NHSL2: variants seen among roughly 807,000 people sequenced by gnomAD.
The protein encoded by NHSL2 is NHS like 2, also known as NHS-like protein 2.
A neutral mutation model predicts 53.4 loss-of-function variants in NHSL2; 27 were observed. The ratio of observed to expected loss-of-function variants is 0.51; its 90% confidence interval spans 0.37 to 0.70. The LOEUF (loss-of-function observed/expected upper bound fraction) is 0.70, where lower values mean the gene tolerates loss of function less well. NHSL2 is among the 30% of genes least tolerant of loss of function. The probability of loss-of-function intolerance (pLI) is 0.00; values close to 1 mark genes in which losing one functional copy is unlikely to be tolerated. For synonymous variants in NHSL2, 408 were observed against 404.1 expected (o/e 1.01, Z -0.12); for missense variants, 892 against 980.1 (o/e 0.91, Z 1.20).
chrX:72,036,770 G>A (rs375181399), intron 1 of NHSL2, among the ~76,000 whole-genome samples: 1 of 111,484 alleles, frequency 9.0e-6, no homozygotes, highest in East Asian at 2.8e-4. Context: ...TCTTTCTGCT[G>A]TTGAGCCCAT....
chrX:71,979,237 T>C (rs1423327341), intron 1 of NHSL2, among the ~76,000 whole-genome samples: 2 of 110,860 alleles, frequency 1.8e-5, no homozygotes, highest in African/African-American at 6.6e-5. Flanking sequence ...GCATGTGTGT[T>C]TATAGCAGCA....
chrX:72,107,652 G>A (rs7391689), intron 1 of NHSL2, among the ~76,000 whole-genome samples: 2 of 111,892 alleles, frequency 1.8e-5, no homozygotes, highest in South Asian at 3.7e-4. Flanking sequence ...ACAGAGTCCC[G>A]GGGGGGTGTT....
chrX:72,038,732 T>C (rs1227901092), intron 1 of NHSL2, among the ~76,000 whole-genome samples: 1 of 112,149 alleles, frequency 8.9e-6, no homozygotes, highest in Non-Finnish European at 1.9e-5. Context: ...GCAATAGAGA[T>C]TAGACATGAT....
rs749065494 is a variant in NHSL2, at chrX:72,147,367, G to A, written c.*3793G>A. On this transcript the variant is annotated 3_prime_UTR_variant, in exon 8 of 8. Coordinates refer to ENST00000633930, the MANE Select transcript of NHSL2 (RefSeq NM_001013627.3). The stretch of plus-strand genomic sequence containing the variant: ...ATGCAAGTGCCTTACCCTCGTCCCA[G>A]CCCTGTGATTTGCACTCTTTAAAGT... 8.9e-6 allele frequency: 1 copy of A among 112,053 alleles called. No homozygotes were observed. The highest frequency in any genetic ancestry group is 1.9e-5 in the Non-Finnish European group (1 of 53,185). 9.2% of individuals were successfully genotyped at this position (112,053 alleles called of 1,213,427 possible). A position where few individuals can be genotyped will look rare whatever the true frequency, so the allele number is the denominator to read the frequency against.
rs746716833 is a variant in NHSL2, at chrX:72,138,981, C to T, written c.1433C>T (p.Thr478Ile). ...AGACCCTCCAAGATTGGCCTTCTGA[C>T]CAGTGGGACCTCGAGGCTGGAGACA... ...PERPSKIGLLTSGTSRLETGP... is the reference protein window; with the variant it reads ...PERPSKIGLLISGTSRLETGP... The change falls in exon 6 of 8, where the codon ACC becomes ATC. Residue 478 changes from threonine to isoleucine, a missense_variant. Transcript: ENST00000633930. The T allele has an allele frequency of 4.2e-5, 50 of 1,194,117 alleles. No individual in the cohort carries two copies. Among genetic ancestry groups the T allele is most frequent in the Non-Finnish European group, 1.1e-6 (1 of 886,710 alleles).
At chrX:72,093,717 G>GCTTTCTTTCTTTCTTTCTTTCTTT (rs1491238848) in intron 1 of NHSL2, among the ~76,000 whole-genome samples, 2 of 78,660 alleles carry the variant, frequency 2.5e-5, no homozygotes, top group East Asian at 3.9e-4. Flanking sequence ...AGTATAGCTT[G>GCTTTCTTTCTTTCTTTCTTTCTTT]CTTGCTTTCT....
At chrX:71,919,242 A>AAGT (rs1478480483) in intron 1 of NHSL2, among the ~76,000 whole-genome samples, 1 of 112,274 alleles carries the variant, frequency 8.9e-6, no homozygotes, top group Non-Finnish European at 1.9e-5. Flanking sequence ...CTTCCAGGTG[A>AAGT]AGTCCCACTT....
rs2042502128 is a variant in NHSL2 at position 72,150,359 on chromosome X, A to C, written c.*6785A>C. Reference sequence around the variant, plus strand: ...ATAATGTCTCTACTTTTTTTAGTGCAAACTTTTGTATTTGGTGTTTATTTA... The same window carrying C: ...ATAATGTCTCTACTTTTTTTAGTGCCAACTTTTGTATTTGGTGTTTATTTA... On this transcript the variant is annotated 3_prime_UTR_variant, in exon 8 of 8. Transcript: ENST00000633930. The C allele has an allele frequency of 8.9e-6, 1 of 112,175 alleles. No individual in the cohort carries two copies. Among genetic ancestry groups the C allele is most frequent in the African/African-American group, 3.2e-5 (1 of 30,865 alleles). 9.2% of individuals were successfully genotyped at this position (112,175 alleles called of 1,213,427 possible).
At chrX:72,129,559 T>C in intron 1 of NHSL2, 1 of 339,208 alleles carries the variant, frequency 2.9e-6, no homozygotes, top group Non-Finnish European at 5.1e-6. Flanking sequence ...GCCCAGAAAC[T>C]TGCTCTCCAG....
chrX:71,964,410 T>A (rs1370011989), intron 1 of NHSL2, among the ~76,000 whole-genome samples: 3 of 110,466 alleles, frequency 2.7e-5, no homozygotes, highest in Non-Finnish European at 1.9e-5. Context: ...TTTTTATGGC[T>A]GCATAGTATT....
chrX:72,087,038 A>C (rs2041854244), intron 1 of NHSL2, among the ~76,000 whole-genome samples: 1 of 111,916 alleles, frequency 8.9e-6, no homozygotes, highest in Admixed American at 9.4e-5. Context: ...GCTGGGGGTC[A>C]TCCCAGCCTG....
chrX:72,080,430 G>A (rs925139523), intron 1 of NHSL2, among the ~76,000 whole-genome samples: 2 of 111,378 alleles, frequency 1.8e-5, no homozygotes, highest in Admixed American at 1.9e-4. Flanking sequence ...GCACAGAGGG[G>A]CAGGATGGCC....
intron 1 of NHSL2, among the ~76,000 whole-genome samples, chrX:72,100,598 G>A (rs2041983634): frequency 8.9e-6 from 1 of 112,176 alleles, no homozygotes; most frequent in African/African-American, 3.3e-5. Context: ...TACCGCCTGA[G>A]CTCCACCTCC....
chrX:72,130,886 G>T (rs1451453037), intron 1 of NHSL2: 1 of 1,210,031 alleles, frequency 8.3e-7, no homozygotes, highest in Admixed American at 2.2e-5. Context: ...TCCAGGAAGC[G>T]CGGGAAGTTG....
At chrX:72,023,913 GA>G (rs2042172436) in intron 1 of NHSL2, among the ~76,000 whole-genome samples, 1 of 111,662 alleles carries the variant, frequency 9.0e-6, no homozygotes, top group South Asian at 3.7e-4. Context: ...TATTTAGGAG[GA>G]AATGGAACCG....
At chrX:72,030,562 G>A (rs1272641351) in intron 1 of NHSL2, among the ~76,000 whole-genome samples, 2 of 111,147 alleles carry the variant, frequency 1.8e-5, no homozygotes, top group South Asian at 3.8e-4. Flanking sequence ...TAGAACATTC[G>A]CAGCACCCCA....
intron 1 of NHSL2, among the ~76,000 whole-genome samples, chrX:72,084,366 G>A (rs1320289190): frequency 8.9e-6 from 1 of 112,268 alleles, no homozygotes; most frequent in Non-Finnish European, 1.9e-5. Context: ...GTCACATGCG[G>A]GAAGTTTATT....
intron 1 of NHSL2, among the ~76,000 whole-genome samples, chrX:72,048,485 A>G (rs2042318215): frequency 1.8e-5 from 2 of 110,268 alleles, no homozygotes; most frequent in African/African-American, 6.6e-5. Flanking sequence ...GGAATTCAAG[A>G]GGCTGCATTC....
chrX:72,118,376 A>G, intron 1 of NHSL2, among the ~76,000 whole-genome samples: 1 of 112,066 alleles, frequency 8.9e-6, no homozygotes, highest in East Asian at 2.8e-4. Context: ...GTTCGGACAC[A>G]AGTCTCTTAT....
Sources: gnomAD v4.1 joint callset for allele counts (sites outside exome capture counted in the v4.1 genomes callset) on GRCh38, gnomAD v4.1.1 for gene constraint, MANE v1.5 for transcripts, NCBI Gene and HGNC (gene_info 2026-07-23, HGNC 2026-07-21) for gene names.